BPIFB3: variants seen among roughly 807,000 people sequenced by gnomAD.
The protein encoded by BPIFB3 is BPI fold-containing family B member 3.
A neutral mutation model predicts 53.1 loss-of-function variants in BPIFB3; 49 were observed. The ratio of observed to expected loss-of-function variants is 0.92; its 90% CI spans 0.73 to 1.17. The LOEUF (loss-of-function observed/expected upper bound fraction) is 1.17, where lower values mean the gene tolerates loss of function less well. BPIFB3 is among the 50% of genes most tolerant of loss of function. The probability of loss-of-function intolerance (pLI) is 0.00; values close to 1 mark genes in which losing one functional copy is unlikely to be tolerated. For missense variants in BPIFB3, 628 were observed against 592.5 expected, an observed-to-expected ratio of 1.06 and a Z score of -0.62; for synonymous variants, 271 against 269.6, an observed-to-expected ratio of 1.01 and a Z score of -0.05.
chr20:33,073,023 C>T (rs79293361), intron 14 of BPIFB3, among the ~76,000 whole-genome samples: 16 of 152,224 alleles, frequency 1.1e-4, no homozygotes, highest in Non-Finnish European at 1.8e-4. Context: ...CAATCAATCA[C>T]GGAGTTCTTT....
upstream of BPIFB3, among the ~76,000 whole-genome samples, chr20:33,055,210 G>A (rs770106696): frequency 1.3e-5 from 2 of 152,246 alleles, no homozygotes; most frequent in Non-Finnish European, 1.5e-5. Flanking sequence ...GGCTTGGAAA[G>A]TGCCTTGGAG....
At position 33,064,861 on chromosome 20, in the gene BPIFB3, G is replaced by A. The variant is rs556106617; in HGVS notation, c.924+16G>A. The stretch of plus-strand genomic sequence containing the variant: ...CCCTGAGCTGGTGAGTGTGGTGCCC[G>A]GGGGATGGGGATGGGGGCTCCTTGC... On this transcript the variant is annotated intron_variant, in intron 8 of 14. Coordinates refer to ENST00000375494, the Ensembl canonical transcript of BPIFB3. The A allele has an allele frequency of 2.1e-5, 34 of 1,606,548 alleles. No homozygotes were observed. The highest frequency in any genetic ancestry group is 1.1e-4 in the East Asian group (5 of 44,830).
intron 13 of BPIFB3, among the ~76,000 whole-genome samples, chr20:33,072,486 G>A (rs1265310922): frequency 6.6e-6 from 1 of 152,182 alleles, no homozygotes; most frequent in Non-Finnish European, 1.5e-5. Context: ...GATTGATGAA[G>A]CCTTTAGGAG....
upstream of BPIFB3, chr20:33,055,418 A>T (rs780586792): frequency 6.2e-7 from 1 of 1,613,246 alleles, no homozygotes; most frequent in African/African-American, 1.3e-5. Context: ...TCTGCTCCTT[A>T]TAGGCATGCA....
intron 14 of BPIFB3, 41 bp downstream of exon 15, chr20:33,072,834 C>G (rs1479813626): frequency 6.6e-7 from 1 of 1,504,634 alleles, no homozygotes. Context: ...GGGCCTTAAG[C>G]TTGTCTCTGG....
chr20:33,061,737 G>T (rs375935299), intron 4 of BPIFB3, 31 bp from the exon 6 acceptor site: 59 of 1,610,888 alleles, frequency 3.7e-5, no homozygotes, highest in Non-Finnish European at 2.4e-5. Flanking sequence ...CCACCTGGCA[G>T]CCGCACCCAC....
intron 2 of BPIFB3, among the ~76,000 whole-genome samples, chr20:33,056,967 T>C (rs1328909060): frequency 1.3e-5 from 2 of 152,186 alleles, no homozygotes; most frequent in Non-Finnish European, 2.9e-5. Context: ...TGGGCTAATC[T>C]AGCTATCAGC....
At chr20:33,054,366 GAAAT>G (rs1980108495), upstream of BPIFB3, among the ~76,000 whole-genome samples, 2 of 152,118 alleles carry the variant, frequency 1.3e-5, no homozygotes, top group African/African-American at 4.8e-5. Context: ...ACAGGGAAGA[GAAAT>G]AAGGACACAA....
chr20:33,061,979 C>G, intron 5 of BPIFB3, 148 bp downstream of exon 6: 2 of 917,240 alleles, frequency 2.2e-6, no homozygotes, highest in Non-Finnish European at 3.3e-6. Context: ...GCCTGCTGAC[C>G]GGCCTTCCTG....
In BPIFB3 at chr20:33,055,481, C is replaced by T. The variant is rs765063499; in HGVS notation, c.58C>T (p.Pro20Ser). 11 of 1,613,814 alleles carry T rather than the reference C, an allele frequency of 6.8e-6. No homozygotes were observed. The South Asian group carries it at 7.7e-5, about 11-fold the overall frequency. ...GCTTCTGCTCTGGGGCCTGGCGACT[C>T]CATGCCAGGAGCTGCTAGAGACGGT... Residue 20 changes from proline to serine, a missense_variant, in exon 1 of 15, where the codon CCA (proline) becomes TCA (serine). Pro to Ser is a moderately conservative substitution (Grantham distance 74). Transcript: ENST00000375494.
chr20:33,055,307 C>G, upstream of BPIFB3: 2 of 1,470,238 alleles, frequency 1.4e-6, no homozygotes, highest in Non-Finnish European at 1.8e-6. Flanking sequence ...GGGAGTGAAG[C>G]TCAATTTGGG....
intron 10 of BPIFB3, among the ~76,000 whole-genome samples, chr20:33,069,343 C>T (rs767259976): frequency 2.0e-5 from 3 of 152,178 alleles, no homozygotes; most frequent in Admixed American, 6.5e-5. Context: ...CCTCTGCACA[C>T]ATCTGGACCG....
exon 8 of BPIFB3, chr20:33,064,757 A>C: frequency 6.2e-7 from 1 of 1,614,124 alleles, no homozygotes; most frequent in Non-Finnish European, 8.5e-7. Flanking sequence ...CACACATCCC[A>C]GGTGATGGTG....
At chr20:33,068,751 C>G in intron 9 of BPIFB3, 52 bp from the exon 11 acceptor site, 1 of 1,568,020 alleles carries the variant, frequency 6.4e-7, no homozygotes, top group Admixed American at 1.7e-5. Flanking sequence ...TGCTGACTGA[C>G]TGACTGATTG....
rs556067777 is a variant in BPIFB3 at position 33,064,498 on chromosome 20, C to G, written c.694C>G (p.Leu232Val). ...GGCTCTTGGGTCCGTGGAATTCTCT[C>G]TGGCCACATTGCCTCTCATCTCCAA... The change falls in exon 7 of 15, where the codon CTG becomes GTG. Residue 232 changes from leucine to valine, a missense_variant. By Grantham distance (32) the Leu-to-Val change is conservative (BLOSUM62 1). Coordinates refer to ENST00000375494, the Ensembl canonical transcript of BPIFB3. 4 of 1,614,188 alleles carry G rather than the reference C, an allele frequency of 2.5e-6. No homozygotes were observed. In the South Asian group the frequency reaches 3.3e-5, roughly 13 times the overall value.
At chr20:33,059,851 G>T in intron 3 of BPIFB3, 40 bp from the exon 5 acceptor site, 1 of 1,603,944 alleles carries the variant, frequency 6.2e-7, no homozygotes, top group Non-Finnish European at 8.5e-7. Flanking sequence ...AAGGGTGGGA[G>T]CTGGCTGCCT....
intron 5 of BPIFB3, among the ~76,000 whole-genome samples, chr20:33,062,678 A>T (rs1341782627): frequency 6.6e-6 from 1 of 152,222 alleles, no homozygotes; most frequent in Non-Finnish European, 1.5e-5. Context: ...CATTGCCAAC[A>T]TTCAGCATTG....
At chr20:33,070,246 A>G (rs1377422063) in intron 11 of BPIFB3, among the ~76,000 whole-genome samples, 6 of 152,130 alleles carry the variant, frequency 3.9e-5, no homozygotes, top group Non-Finnish European at 7.4e-5. Flanking sequence ...GTGGAGTCCA[A>G]ACTCCTGAGT....
chr20:33,073,714 C>A, downstream of BPIFB3: 2 of 1,317,418 alleles, frequency 1.5e-6, no homozygotes, highest in Non-Finnish European at 2.2e-6. Context: ...AGTAAAAATG[C>A]CCTCTGGCCC....
Sources: allele counts gnomAD v4.1 joint callset (sites outside exome capture counted in the v4.1 genomes callset), GRCh38; gene constraint gnomAD v4.1.1; transcripts MANE v1.5; gene names NCBI Gene and HGNC (gene_info 2026-07-23, HGNC 2026-07-21).